DLG1: variants seen among roughly 807,000 people sequenced by gnomAD.
DLG1 encodes the protein discs large MAGUK scaffold protein 1, also known as disks large homolog 1.
Under a neutral mutation model 123.4 loss-of-function variants are expected in DLG1, and 42 were observed. The ratio of observed to expected loss-of-function variants is 0.34; its 90% CI spans 0.27 to 0.44. The LOEUF (loss-of-function observed/expected upper bound fraction) is 0.44, where lower values mean the gene tolerates loss of function less well. DLG1 is among the 20% of genes least tolerant of loss of function. The pLI, the probability that DLG1 is intolerant of heterozygous loss-of-function variation, is 1.00. For missense variants in DLG1, 942 were observed against 1,082.6 expected (o/e 0.87, Z 1.82); for synonymous variants, 317 against 356.2 (o/e 0.89, Z 1.24).
intron 2 of DLG1, 24 bp downstream of exon 2, chr3:197,297,162 C>G: frequency 2.5e-6 from 4 of 1,613,726 alleles, no homozygotes; most frequent in Non-Finnish European, 3.4e-6. Flanking sequence ...ACATCGACAA[C>G]AGAGTTACGG....
At chr3:197,259,355 G>C (rs899160237) in intron 4 of DLG1, among the ~76,000 whole-genome samples, 14 of 152,220 alleles carry the variant, frequency 9.2e-5, no homozygotes, top group African/African-American at 3.4e-4. Context: ...CTAGAACTCT[G>C]AGCAACAAGA....
At chr3:197,151,080 T>C (rs1408266259) in intron 5 of DLG1, among the ~76,000 whole-genome samples, 1 of 152,128 alleles carries the variant, frequency 6.6e-6, no homozygotes, top group African/African-American at 2.4e-5. Context: ...TTACAGACAT[T>C]TGAGATTTTA....
chr3:197,282,626 CATAA>C, intron 4 of DLG1, 49 bp downstream of exon 4: 1 of 1,188,788 alleles, frequency 8.4e-7, no homozygotes, highest in Non-Finnish European at 1.1e-6. Context: ...AACATAGTAA[CATAA>C]ATAAATTGAT....
chr3:197,092,131 C>A (rs1368241961), intron 14 of DLG1, among the ~76,000 whole-genome samples: 1 of 152,060 alleles, frequency 6.6e-6, no homozygotes, highest in Non-Finnish European at 1.5e-5. Context: ...AAATATCAAT[C>A]CATGGCAAGT....
intron 7 of DLG1, among the ~76,000 whole-genome samples, 190 bp downstream of exon 7, chr3:197,142,528 A>G (rs929233989): frequency 6.6e-6 from 1 of 152,210 alleles, no homozygotes; most frequent in Non-Finnish European, 1.5e-5. Context: ...TAAAATAAAA[A>G]GTTTATTAAA....
chr3:197,252,673 C>T (rs780530429), intron 4 of DLG1, among the ~76,000 whole-genome samples: 21 of 152,202 alleles, frequency 1.4e-4, no homozygotes, highest in East Asian at 9.6e-4. Flanking sequence ...ATAGTGGTAA[C>T]GGCTGCATTT....
intron 4 of DLG1, among the ~76,000 whole-genome samples, chr3:197,277,184 G>A (rs1010084048): frequency 2.0e-5 from 3 of 150,998 alleles, no homozygotes; most frequent in Non-Finnish European, 2.9e-5. Flanking sequence ...GAGCCACTGC[G>A]CCCAGCCCCA....
intron 14 of DLG1, among the ~76,000 whole-genome samples, chr3:197,093,492 C>T (rs1218651668): frequency 6.6e-6 from 1 of 151,738 alleles, no homozygotes; most frequent in Non-Finnish European, 1.5e-5. Flanking sequence ...CATTTCCCTG[C>T]TTTGCTTTTT....
chr3:197,105,783 C>A (rs2149317395), intron 13 of DLG1, among the ~76,000 whole-genome samples: 1 of 152,096 alleles, frequency 6.6e-6, no homozygotes, highest in East Asian at 1.9e-4. Flanking sequence ...AGAGGACATT[C>A]ATGGAAGCAT....
chr3:197,246,888 T>C (rs774640703), intron 4 of DLG1, among the ~76,000 whole-genome samples: 1 of 152,124 alleles, frequency 6.6e-6, no homozygotes, highest in Non-Finnish European at 1.5e-5. Context: ...CAGGAATGTT[T>C]TGGATGGATG....
intron 4 of DLG1, among the ~76,000 whole-genome samples, chr3:197,262,136 C>G (rs1309696965): frequency 6.6e-6 from 1 of 152,086 alleles, no homozygotes; most frequent in Non-Finnish European, 1.5e-5. Context: ...AGTGAGACCC[C>G]TAGAAAGCCT....
chr3:197,232,361 TA>T (rs34360912), intron 4 of DLG1, among the ~76,000 whole-genome samples: 53,587 of 121,162 alleles, frequency 0.44, 12,295 homozygotes, highest in East Asian at 0.77. Flanking sequence ...CCTTGTCTCT[TA>T]AAAAAAAAAA....
intron 4 of DLG1, among the ~76,000 whole-genome samples, chr3:197,281,053 C>G (rs544452347): frequency 2.1e-5 from 3 of 142,576 alleles, no homozygotes; most frequent in Admixed American, 1.4e-4. Flanking sequence ...GACGGAGTCT[C>G]GCTTATCGCC....
At chr3:197,164,405 CAA>C (rs1002642397) in intron 5 of DLG1, among the ~76,000 whole-genome samples, 2 of 150,574 alleles carry the variant, frequency 1.3e-5, no homozygotes, top group Non-Finnish European at 3.0e-5. Context: ...TCCCCCTCCT[CAA>C]AAAAAAGTCT....
intron 3 of DLG1, among the ~76,000 whole-genome samples, chr3:197,285,835 A>G (rs965173677): frequency 1.3e-5 from 2 of 152,210 alleles, no homozygotes; most frequent in Non-Finnish European, 2.9e-5. Context: ...AAAACTATAC[A>G]TACTCATACT....
chr3:197,089,682 C>A (rs1249873803), intron 15 of DLG1, among the ~76,000 whole-genome samples: 1 of 151,526 alleles, frequency 6.6e-6, no homozygotes, highest in Non-Finnish European at 1.5e-5. Context: ...AAAGGCAACA[C>A]CTATTAATTA....
At chr3:197,219,864 C>T (rs557707370) in intron 4 of DLG1, among the ~76,000 whole-genome samples, 4 of 152,212 alleles carry the variant, frequency 2.6e-5, no homozygotes, top group East Asian at 3.9e-4. Context: ...GAAATCTCGC[C>T]GGCACTTTGA....
At chr3:197,066,501 TAA>T (rs1687638888) in intron 20 of DLG1, among the ~76,000 whole-genome samples, 1 of 152,058 alleles carries the variant, frequency 6.6e-6, no homozygotes, top group Non-Finnish European at 1.5e-5. Flanking sequence ...AACACAAATA[TAA>T]AAGTCAGTAT....
At chr3:197,063,939 T>C (rs1160813482) in intron 22 of DLG1, among the ~76,000 whole-genome samples, 1 of 151,396 alleles carries the variant, frequency 6.6e-6, no homozygotes, top group Non-Finnish European at 1.5e-5. Context: ...TTTTTTTTTT[T>C]TTTTTTTGAG....
Sources: allele counts gnomAD v4.1 joint callset (sites outside exome capture counted in the v4.1 genomes callset), GRCh38; gene constraint gnomAD v4.1.1; transcripts MANE v1.5; gene names NCBI Gene and HGNC (gene_info 2026-07-23, HGNC 2026-07-21).